CTNNA3: variants seen among roughly 807,000 people sequenced by gnomAD.
CTNNA3 encodes the protein catenin alpha 3, also known as catenin alpha-3.
In CTNNA3, 76 loss-of-function variants were observed where a neutral mutation model predicts 95.7. The observed-to-expected ratio is 0.79, with a 90% CI of 0.66 to 0.96. CTNNA3 has a LOEUF of 0.96. Among genes scored for constraint, CTNNA3 ranks in the 40% least tolerant of loss-of-function variants. CTNNA3 has a pLI of 0.00. For missense variants in CTNNA3, 1,191 were observed against 1,089.8 expected, an observed-to-expected ratio of 1.09 and a Z score of -1.31; for synonymous variants, 431 against 374.4, an observed-to-expected ratio of 1.15 and a Z score of -1.74.
chr10:66,759,100 A>T (rs1260514289), intron 9 of CTNNA3, among the ~76,000 whole-genome samples: 1 of 152,190 alleles, frequency 6.6e-6, no homozygotes, highest in African/African-American at 2.4e-5. Context: ...TTTGAAAATT[A>T]CCTTATGAAG....
chr10:67,312,571 CT>C (rs1438320420), intron 5 of CTNNA3, among the ~76,000 whole-genome samples: 2 of 152,084 alleles, frequency 1.3e-5, no homozygotes, highest in Non-Finnish European at 2.9e-5. Context: ...GTCAATCTCG[CT>C]GGAAATAATA....
At chr10:66,785,522 T>C (rs2132859328) in intron 7 of CTNNA3, among the ~76,000 whole-genome samples, 1 of 152,264 alleles carries the variant, frequency 6.6e-6, no homozygotes, top group Admixed American at 6.5e-5. Context: ...AGAGCTCTCC[T>C]GGTTCGCAGG....
chr10:67,156,610 T>C (rs946499892), intron 7 of CTNNA3, among the ~76,000 whole-genome samples: 14 of 152,126 alleles, frequency 9.2e-5, no homozygotes, highest in African/African-American at 3.1e-4. Flanking sequence ...TACTAATATT[T>C]AATATTTAGT....
At chr10:67,497,747 G>C (rs1382730339) in intron 5 of CTNNA3, among the ~76,000 whole-genome samples, 2 of 152,150 alleles carry the variant, frequency 1.3e-5, no homozygotes, top group Non-Finnish European at 2.9e-5. Context: ...AGAAATATCT[G>C]TTCATATCCT....
chr10:67,597,982 G>A (rs1234523666), intron 3 of CTNNA3, among the ~76,000 whole-genome samples: 4 of 152,148 alleles, frequency 2.6e-5, no homozygotes, highest in South Asian at 4.1e-4. Context: ...TCAGCTGGGC[G>A]TCTGAGGCTG....
In CTNNA3 at chr10:66,256,315, A is replaced by G. The variant is rs147304782; in HGVS notation, c.1884+24155T>C. Among the ~76,000 whole-genome samples, 3 of 152,282 alleles carry G rather than the reference A, an allele frequency of 2.0e-5. No individual in the cohort carries two copies. In the East Asian group the frequency reaches 5.8e-4, roughly 29 times the overall value. On this transcript the variant is annotated intron_variant, in intron 13 of 17. Transcript: ENST00000433211. Reference sequence around the variant, plus strand: ...TGTACACTTTCTAAGTCAGGCATCCAAAGACGTCAGACAAAAACTCCAAAA... The same window carrying G: ...TGTACACTTTCTAAGTCAGGCATCCGAAGACGTCAGACAAAAACTCCAAAA...
intron 5 of CTNNA3, among the ~76,000 whole-genome samples, chr10:67,252,100 A>G (rs1866131605): frequency 6.6e-6 from 1 of 151,872 alleles, no homozygotes; most frequent in South Asian, 2.1e-4. Context: ...AGTCCCAGCT[A>G]CTTGGGAGGC....
At chr10:66,371,212 G>A (rs763826734) in intron 12 of CTNNA3, among the ~76,000 whole-genome samples, 3 of 152,238 alleles carry the variant, frequency 2.0e-5, no homozygotes, top group Non-Finnish European at 4.4e-5. Context: ...TGTCATTGTA[G>A]TTAAAGAAAG....
intron 3 of CTNNA3, 57 bp downstream of exon 3, chr10:67,606,800 G>A (rs1843289629): frequency 7.5e-7 from 1 of 1,328,016 alleles, no homozygotes; most frequent in South Asian, 1.4e-5. Context: ...ATCTAATTTG[G>A]GTGACTAACA....
chr10:65,980,003 A>G (rs942552821), intron 16 of CTNNA3, among the ~76,000 whole-genome samples: 10 of 152,044 alleles, frequency 6.6e-5, no homozygotes, highest in African/African-American at 9.7e-5. Flanking sequence ...AAACCAACCA[A>G]CACACAAAAT....
At position 67,612,330 on chromosome 10, in the gene CTNNA3, A is replaced by T. The variant is rs149201788; in HGVS notation, c.100-5281T>A. ...GGCAGAATGATAACTGTTTACACTT[A>T]TATAAGTACAAAGAAAGTGCTGCCA... On this transcript the variant is annotated intron_variant, in intron 2 of 17. Transcript: ENST00000433211. 6.1e-4 allele frequency among the ~76,000 whole-genome samples: 93 copies of T among 152,360 alleles called. 2 individuals are homozygous for T. Among genetic ancestry groups the T allele is most frequent in the African/African-American group, 2.1e-3 (88 of 41,590 alleles).
chr10:67,538,274 A>C (rs1052339483), intron 4 of CTNNA3, among the ~76,000 whole-genome samples: 2 of 151,986 alleles, frequency 1.3e-5, no homozygotes, highest in Non-Finnish European at 2.9e-5. Flanking sequence ...AATAAGCAAT[A>C]GTGAATACAA....
chr10:66,157,453 T>C (rs1276351213), intron 13 of CTNNA3, among the ~76,000 whole-genome samples: 1 of 149,582 alleles, frequency 6.7e-6, no homozygotes, highest in Admixed American at 6.6e-5. Context: ...AGATGATAGA[T>C]AGATAGATAG....
intron 5 of CTNNA3, among the ~76,000 whole-genome samples, chr10:67,414,141 C>G (rs1211097831): frequency 6.6e-6 from 1 of 151,926 alleles, no homozygotes; most frequent in East Asian, 1.9e-4. Context: ...ACCAATGAAA[C>G]CAAGAATTGG....
chr10:67,470,234 C>T (rs1050517002), intron 5 of CTNNA3, among the ~76,000 whole-genome samples: 1 of 152,140 alleles, frequency 6.6e-6, no homozygotes, highest in Non-Finnish European at 1.5e-5. Flanking sequence ...TTTCACTTAA[C>T]ATAATAACCT....
At chr10:67,362,875 A>C (rs1257594582) in intron 5 of CTNNA3, among the ~76,000 whole-genome samples, 1 of 152,166 alleles carries the variant, frequency 6.6e-6, no homozygotes, top group African/African-American at 2.4e-5. Context: ...CTCTGCCAAA[A>C]GGTTTCTAGA....
chr10:66,829,071 T>C (rs1842616913), intron 7 of CTNNA3, among the ~76,000 whole-genome samples: 2 of 152,232 alleles, frequency 1.3e-5, no homozygotes, highest in South Asian at 4.1e-4. Context: ...CAAAGGTGTG[T>C]CTTTGCTTAA....
chr10:67,280,038 C>G lies in CTNNA3; in HGVS notation c.580-60168G>C, dbSNP rs1017385768. On this transcript the variant is annotated intron_variant, in intron 5 of 17. Transcript: ENST00000433211. ...GCCTTACCATAGAAATTGTAGGAGTCCAGAGAACAATACCCCAAAGTATGG... is the reference window on the plus strand; with the variant it reads ...GCCTTACCATAGAAATTGTAGGAGTGCAGAGAACAATACCCCAAAGTATGG... Among the ~76,000 whole-genome samples the G allele has an allele frequency of 3.3e-5, 5 of 150,230 alleles. 1 individual carries two copies. Among genetic ancestry groups the G allele is most frequent in the African/African-American group, 1.2e-4 (5 of 40,496 alleles).
chr10:67,160,960 T>A (rs1278366053), intron 7 of CTNNA3, among the ~76,000 whole-genome samples: 1 of 152,170 alleles, frequency 6.6e-6, no homozygotes, highest in Non-Finnish European at 1.5e-5. Context: ...ATACCACTTA[T>A]ATGAGGCATA....
Sources: gnomAD v4.1 joint callset for allele counts (sites outside exome capture counted in the v4.1 genomes callset) on GRCh38, gnomAD v4.1.1 for gene constraint, MANE v1.5 for transcripts, NCBI Gene and HGNC (gene_info 2026-07-23, HGNC 2026-07-21) for gene names.